The following SIPA1L2 variants were observed in gnomAD, a reference collection of about 807,000 sequenced individuals.
SIPA1L2 encodes signal-induced proliferation-associated 1-like protein 2.
In SIPA1L2, 56 loss-of-function variants were observed where a neutral mutation model predicts 163.9. That is an observed-to-expected ratio of 0.34 (90% CI 0.28 to 0.43). The LOEUF (loss-of-function observed/expected upper bound fraction) is 0.43. SIPA1L2 is among the 20% of genes least tolerant of loss of function. The pLI is 1.00. For synonymous variants in SIPA1L2, 877 were observed against 865.7 expected (o/e 1.01, Z -0.23); for missense variants, 1,974 against 2,193.5 (o/e 0.90, Z 2.00).
At chr1:232,453,667 A>G (rs1663718225) in intron 10 of SIPA1L2, among the ~76,000 whole-genome samples, 1 of 152,120 alleles carries the variant, frequency 6.6e-6, no homozygotes, top group African/African-American at 2.4e-5. Context: ...GAAAGATGAT[A>G]CAGCTAATCA....
chr1:232,541,549 G>C (rs1354561703), intron 2 of SIPA1L2, among the ~76,000 whole-genome samples: 2 of 152,138 alleles, frequency 1.3e-5, no homozygotes, highest in Non-Finnish European at 2.9e-5. Flanking sequence ...TGCTGAACAA[G>C]TCCTAAATTC....
At chr1:232,487,594 A>T (rs1355497508) in intron 5 of SIPA1L2, among the ~76,000 whole-genome samples, 2 of 152,180 alleles carry the variant, frequency 1.3e-5, no homozygotes, top group Non-Finnish European at 2.9e-5. Context: ...TAATTTTATG[A>T]GTTTACCTAT....
At chr1:232,593,879 C>T (rs1661098011) in intron 1 of SIPA1L2, among the ~76,000 whole-genome samples, 1 of 152,214 alleles carries the variant, frequency 6.6e-6, no homozygotes. Context: ...ACTCCGTGGA[C>T]ATCCAGGGCA....
Position 232,443,704 on chromosome 1 carries a change from T to C in SIPA1L2, c.3354-19A>G, listed in dbSNP as rs757384958. On this transcript the variant is annotated intron_variant, in intron 11 of 22. Coordinates refer to ENST00000674635, the MANE Select transcript of SIPA1L2 (RefSeq NM_020808.5). ...TGAGCTTCTGAAAGGTTGAGTAGAA[T>C]CATTAACAGGGCACTGAACTATCTG... is the stretch of plus-strand genomic sequence containing the variant. The C allele has an allele frequency of 7.5e-5, 120 of 1,600,206 alleles. No homozygotes were observed. The highest frequency in any genetic ancestry group is 9.8e-5 in the Non-Finnish European group (115 of 1,172,708).
intron 16 of SIPA1L2, among the ~76,000 whole-genome samples, chr1:232,429,475 C>T (rs1662098605): frequency 6.6e-6 from 1 of 152,154 alleles, no homozygotes; most frequent in African/African-American, 2.4e-5. Context: ...GAAACATACA[C>T]AAACATGCTC....
At chr1:232,563,034 T>A (rs919150370) in intron 2 of SIPA1L2, among the ~76,000 whole-genome samples, 2 of 152,114 alleles carry the variant, frequency 1.3e-5, no homozygotes, top group African/African-American at 2.4e-5. Flanking sequence ...AAAGAAACAA[T>A]AAAAATCCTA....
intron 19 of SIPA1L2, among the ~76,000 whole-genome samples, chr1:232,405,919 C>G (rs770827587): frequency 4.6e-5 from 7 of 152,054 alleles, no homozygotes; most frequent in Non-Finnish European, 1.0e-4. Context: ...ACAGAATTTC[C>G]TACAGGCAGT....
At chr1:232,400,974 A>G (rs1329694748) in intron 22 of SIPA1L2, among the ~76,000 whole-genome samples, 1 of 152,062 alleles carries the variant, frequency 6.6e-6, no homozygotes, top group Admixed American at 6.6e-5. Context: ...AATCTTATCA[A>G]TCTTACTCTT....
At chr1:232,462,808 G>A (rs987982155) in intron 9 of SIPA1L2, among the ~76,000 whole-genome samples, 2 of 152,188 alleles carry the variant, frequency 1.3e-5, no homozygotes, top group Non-Finnish European at 2.9e-5. Context: ...AAGAGTTATT[G>A]GCTGAGCCTT....
chr1:232,465,861 C>T lies in SIPA1L2; in HGVS notation c.2244-445G>A, dbSNP rs1237814330. ...GAAAATTTGGGCTTACAAAGAGACA[C>T]CAGGGATGTATGCACACAGAAAGAA... On this transcript the variant is annotated intron_variant, in intron 8 of 22. Coordinates refer to ENST00000674635, the MANE Select transcript of SIPA1L2 (RefSeq NM_020808.5). This position sits in a 1 kb window ranked among gnomAD's most constrained non-coding sequence, Gnocchi z 4.1. Among the ~76,000 whole-genome samples, 1 of 151,484 alleles carries T rather than the reference C, an allele frequency of 6.6e-6. No homozygotes were observed. The highest frequency in any genetic ancestry group is 1.5e-5 in the Non-Finnish European group (1 of 67,930).
intron 2 of SIPA1L2, among the ~76,000 whole-genome samples, chr1:232,543,979 C>T (rs78816714): frequency 0.035 from 5,286 of 152,294 alleles, 292 homozygotes; most frequent in African/African-American, 0.12. Context: ...GTGCCCCTAA[C>T]TCTCACATTG....
At chr1:232,504,001 G>C (rs903572745) in intron 3 of SIPA1L2, among the ~76,000 whole-genome samples, 1 of 152,004 alleles carries the variant, frequency 6.6e-6, no homozygotes. Context: ...GATCAGTCTG[G>C]GCATCACTGC....
intron 1 of SIPA1L2, among the ~76,000 whole-genome samples, chr1:232,589,663 T>G (rs1660864872): frequency 6.6e-6 from 1 of 152,222 alleles, no homozygotes; most frequent in Non-Finnish European, 1.5e-5. Context: ...GGCAAAGCAC[T>G]GTTCTCCAGT....
chr1:232,588,812 C>A (rs530538794), intron 1 of SIPA1L2, among the ~76,000 whole-genome samples: 1 of 152,126 alleles, frequency 6.6e-6, no homozygotes, highest in African/African-American at 2.4e-5. Flanking sequence ...CAAAAAATAA[C>A]GAAGCATACT....
At chr1:232,602,330 T>G (rs1358357353) in intron 1 of SIPA1L2, among the ~76,000 whole-genome samples, 2 of 152,022 alleles carry the variant, frequency 1.3e-5, no homozygotes, top group Non-Finnish European at 2.9e-5. Flanking sequence ...AGAAGGTTTT[T>G]TGTTTTGTTT....
At chr1:232,424,358 CATCTTTCACCTGG>C (rs1661766355) in intron 18 of SIPA1L2, among the ~76,000 whole-genome samples, 1 of 94,358 alleles carries the variant, frequency 1.1e-5, no homozygotes, top group Non-Finnish European at 2.1e-5. Context: ...AAAGGACATA[CATCTTTCACCTGG>C]AAACAAAATG....
chr1:232,600,391 G>C (rs921167728), intron 1 of SIPA1L2, among the ~76,000 whole-genome samples: 1 of 151,980 alleles, frequency 6.6e-6, no homozygotes, highest in African/African-American at 2.4e-5. Context: ...TTTTTCATCA[G>C]GTATTTTTAA....
chr1:232,529,951 T>C (rs572517666), intron 2 of SIPA1L2, among the ~76,000 whole-genome samples: 1 of 152,060 alleles, frequency 6.6e-6, no homozygotes, highest in Non-Finnish European at 1.5e-5. Context: ...ACCCCACAGT[T>C]TGGGAGAGAA....
intron 1 of SIPA1L2, among the ~76,000 whole-genome samples, chr1:232,628,702 C>T (rs57817274): frequency 2.6e-5 from 4 of 152,120 alleles, no homozygotes; most frequent in African/African-American, 9.7e-5. Flanking sequence ...TCTTCAATTA[C>T]TAATTGTAAC....
Sources: allele counts gnomAD v4.1 joint callset (sites outside exome capture counted in the v4.1 genomes callset), GRCh38; gene constraint gnomAD v4.1.1; non-coding constraint Gnocchi (gnomAD v3.1); transcripts MANE v1.5; gene names NCBI Gene and HGNC (gene_info 2026-07-23, HGNC 2026-07-21).